SH3RF3: variants seen among roughly 807,000 people sequenced by gnomAD.
SH3RF3 encodes SH3 domain containing ring finger 3.
In SH3RF3, 29 loss-of-function variants were observed where a neutral mutation model predicts 66.3. The ratio of observed to expected loss-of-function variants is 0.44; its 90% CI spans 0.33 to 0.60. The LOEUF is 0.60. Ranked by LOEUF, SH3RF3 falls within the 20% of genes least tolerant of loss-of-function variation. The pLI, the probability that SH3RF3 is intolerant of heterozygous loss-of-function variation, is 0.04. For synonymous variants in SH3RF3, 583 were observed against 532.0 expected, an observed-to-expected ratio of 1.10 and a Z score of -1.32; for missense variants, 1,194 against 1,190.9, an observed-to-expected ratio of 1.00 and a Z score of -0.04.
chr2:109,331,314 T>C (rs1190596566), intron 1 of SH3RF3, among the ~76,000 whole-genome samples: 2 of 152,140 alleles, frequency 1.3e-5, no homozygotes, highest in African/African-American at 2.4e-5. Flanking sequence ...GAGTTCCTCA[T>C]TTGCAATCAA....
chr2:109,240,442 C>T (rs1036220127), intron 1 of SH3RF3, among the ~76,000 whole-genome samples: 5 of 152,084 alleles, frequency 3.3e-5, no homozygotes, highest in Admixed American at 6.5e-5. Context: ...GAGCCAAGAT[C>T]GCACCTCTGC....
chr2:109,214,078 C>T (rs551296236), intron 1 of SH3RF3, among the ~76,000 whole-genome samples: 174 of 152,226 alleles, frequency 1.1e-3, no homozygotes, highest in African/African-American at 3.8e-3. Flanking sequence ...GGTCACTGGA[C>T]GGCGAGGAGG....
At chr2:109,138,228 C>T (rs935107196) in intron 1 of SH3RF3, among the ~76,000 whole-genome samples, 1 of 152,136 alleles carries the variant, frequency 6.6e-6, no homozygotes. Context: ...GGGGTTTCAC[C>T]GTATTGGCCA....
chr2:109,305,967 G>A (rs1234377413), intron 1 of SH3RF3, among the ~76,000 whole-genome samples: 3 of 152,174 alleles, frequency 2.0e-5, no homozygotes, highest in Non-Finnish European at 4.4e-5. Context: ...CATTCAGCAC[G>A]GTATTTAGTG....
chr2:109,490,683 T>A lies in SH3RF3; in HGVS notation c.2227T>A (p.Ser743Thr). 6.6e-7 allele frequency: 1 copy of A among 1,525,694 alleles called. No homozygotes were observed. The highest frequency in any genetic ancestry group is 8.8e-7 in the Non-Finnish European group (1 of 1,138,486). The allele number at this position is 1,525,694 out of a possible 1,614,324, so 94.5% of individuals were successfully genotyped here. ...GAAGTCACGCTCCCCGCCATCTGTG[T>A]CTCCAACCCACGACCCCCAGGTGGC... is the stretch of plus-strand genomic sequence containing the variant. Reference protein sequence around the residue: ...KKKSRSPPSVSPTHDPQVAVD... With the variant: ...KKKSRSPPSVTPTHDPQVAVD... Residue 743 changes from serine (S) to threonine (T), a missense_variant, in exon 9 of 10, where the codon TCT (serine) becomes ACT (threonine). Transcript: ENST00000309415.
At chr2:109,181,959 A>G (rs1471609054) in intron 1 of SH3RF3, among the ~76,000 whole-genome samples, 2 of 152,200 alleles carry the variant, frequency 1.3e-5, no homozygotes, top group African/African-American at 2.4e-5. Flanking sequence ...TGAGCAACCA[A>G]AGGCCAGTTT....
At chr2:109,374,617 T>C (rs946731261) in intron 3 of SH3RF3, among the ~76,000 whole-genome samples, 5 of 152,164 alleles carry the variant, frequency 3.3e-5, no homozygotes, top group Non-Finnish European at 5.9e-5. Context: ...GCCGGCACAG[T>C]CCCGGTGATG....
chr2:109,156,004 G>A (rs2104889091), intron 1 of SH3RF3, among the ~76,000 whole-genome samples: 1 of 152,342 alleles, frequency 6.6e-6, no homozygotes, highest in African/African-American at 2.4e-5. Flanking sequence ...GGGCCCCAGA[G>A]CCCCATGCTT....
intron 8 of SH3RF3, among the ~76,000 whole-genome samples, chr2:109,482,111 C>T (rs1445095280): frequency 2.0e-5 from 3 of 152,116 alleles, no homozygotes; most frequent in African/African-American, 4.8e-5. Flanking sequence ...GTCCCGGGTT[C>T]GAATGCGGCT....
intron 1 of SH3RF3, among the ~76,000 whole-genome samples, chr2:109,183,444 T>C (rs1678114879): frequency 6.6e-6 from 1 of 152,180 alleles, no homozygotes; most frequent in Non-Finnish European, 1.5e-5. Context: ...ATATAGTAGT[T>C]CAACTCCCAC....
chr2:109,131,895 C>G (rs1676705061), intron 1 of SH3RF3, among the ~76,000 whole-genome samples: 1 of 152,102 alleles, frequency 6.6e-6, no homozygotes, highest in South Asian at 2.1e-4. Flanking sequence ...AAGCAGGAGT[C>G]CCGCATGGTG....
At chr2:109,368,751 A>G (rs930764907) in intron 2 of SH3RF3, among the ~76,000 whole-genome samples, 1 of 151,646 alleles carries the variant, frequency 6.6e-6, no homozygotes, top group African/African-American at 2.4e-5. Context: ...AACGAAAGAA[A>G]CAAAATTAAT....
At chr2:109,451,705 A>G (rs7562870) in intron 8 of SH3RF3, among the ~76,000 whole-genome samples, 12,872 of 152,296 alleles carry the variant, frequency 0.085, 731 homozygotes, top group African/African-American at 0.16. Flanking sequence ...TATATCAGCA[A>G]AGAACAGTTG....
intron 1 of SH3RF3, among the ~76,000 whole-genome samples, chr2:109,177,794 C>A (rs1042644702): frequency 6.6e-6 from 1 of 152,204 alleles, no homozygotes; most frequent in African/African-American, 2.4e-5. Context: ...AATATTAAAG[C>A]CTATTAGACA....
chr2:109,329,835 G>A (rs1682245592), intron 1 of SH3RF3, among the ~76,000 whole-genome samples: 1 of 152,206 alleles, frequency 6.6e-6, no homozygotes, highest in Non-Finnish European at 1.5e-5. Context: ...GTTTTGTAAG[G>A]TTTGGAACTG....
At chr2:109,467,204 A>G (rs1180589555) in intron 8 of SH3RF3, among the ~76,000 whole-genome samples, 1 of 152,266 alleles carries the variant, frequency 6.6e-6, no homozygotes, top group Non-Finnish European at 1.5e-5. Flanking sequence ...TAGCAGCTTT[A>G]TTTGTGACAG....
intron 1 of SH3RF3, among the ~76,000 whole-genome samples, chr2:109,269,598 C>A (rs79457163): frequency 2.6e-5 from 4 of 152,084 alleles, no homozygotes; most frequent in African/African-American, 9.7e-5. Context: ...CTGGCCAACA[C>A]GGTGAAACCC....
intron 9 of SH3RF3, 91 bp downstream of exon 9, chr2:109,491,027 T>G: frequency 8.1e-7 from 1 of 1,241,036 alleles, no homozygotes; most frequent in Non-Finnish European, 1.1e-6. Context: ...CACTGTGGCC[T>G]TGCTGGGATT....
At chr2:109,361,990 T>C (rs533251864) in intron 2 of SH3RF3, among the ~76,000 whole-genome samples, 55 of 152,304 alleles carry the variant, frequency 3.6e-4, no homozygotes, top group African/African-American at 1.2e-3. Flanking sequence ...TAGAAGCATA[T>C]GATTTTTATT....
Sources: gnomAD v4.1 joint callset for allele counts (sites outside exome capture counted in the v4.1 genomes callset) on GRCh38, gnomAD v4.1.1 for gene constraint, MANE v1.5 for transcripts, NCBI Gene and HGNC (gene_info 2026-07-23, HGNC 2026-07-21) for gene names.